The following PPP1R3D variants were observed in gnomAD, a reference collection of about 807,000 sequenced individuals.
PPP1R3D encodes the protein protein phosphatase 1 regulatory subunit 3D.
PPP1R3D carries 27 observed loss-of-function variants against 16.3 expected under a neutral mutation model. That is an observed-to-expected ratio of 1.66 (90% confidence interval 1.22 to 2.29). The LOEUF (loss-of-function observed/expected upper bound fraction) is 2.29, where lower values mean the gene tolerates loss of function less well. Among genes scored for constraint, PPP1R3D ranks in the 30% most tolerant of loss-of-function variants. The pLI is 0.00. For synonymous variants in PPP1R3D, 223 were observed against 209.7 expected (o/e 1.06, Z -0.55); for missense variants, 472 against 438.3 (o/e 1.08, Z -0.69).
rs750284106 is a variant in PPP1R3D, at chr20:59,939,259, C to A, written c.673G>T (p.Gly225Trp). Residue 225 changes from glycine to tryptophan, a missense_variant, in exon 1 of 1, where the codon GGG becomes TGG. Transcript: ENST00000370996. The part of the protein sequence containing the change: ...STHEAVARWR[G>W]PAGPEGTEDV... ...TCCGTGCCCTCGGGGCCTGCGGGCC[C>A]GCGCCACCGCGCCACCGCCTCGTGG... 6.2e-7 allele frequency: 1 copy of A among 1,611,506 alleles called. No individual in the cohort carries two copies. The highest frequency in any genetic ancestry group is 1.7e-5 in the Admixed American group (1 of 59,924).
In PPP1R3D at chr20:59,939,707, C is replaced by G; in HGVS notation, c.225G>C (p.Leu75=). Residue 75 remains leucine (L), a synonymous_variant, in exon 1 of 1, where the codon CTG becomes CTC. Coordinates refer to ENST00000370996, the MANE Select transcript of PPP1R3D (RefSeq NM_006242.4). ...TCTGGCGGCGCTCGGGGGAGCTGGG[C>G]AGTGAGCGCGCCCGCCGCAGGATGA... ...RPIILRRARS[L]PSSPERRQKA... is the part of the protein sequence containing the mutation. 1 of 1,335,004 alleles carries G rather than the reference C, an allele frequency of 7.5e-7. No individual in the cohort carries two copies. Among genetic ancestry groups the G allele is most frequent in the Non-Finnish European group, 9.5e-7 (1 of 1,049,916 alleles). The allele number at this position is 1,335,004 out of a possible 1,614,324, so 82.7% of individuals were successfully genotyped here. A position where few individuals can be genotyped will look rare whatever the true frequency, so the allele number is the denominator to read the frequency against.
At position 59,938,710 on chromosome 20, in the gene PPP1R3D, G is replaced by A. The variant is rs1377751056; in HGVS notation, c.*322C>T. The stretch of plus-strand genomic sequence containing the variant: ...CACATGCAAAAGCTTTTCCTAGCAG[G>A]AGGACTTGGGCCTTTGCAAAACAAG... On this transcript the variant is annotated 3_prime_UTR_variant, in exon 1 of 1. Coordinates refer to ENST00000370996, the MANE Select transcript of PPP1R3D (RefSeq NM_006242.4). 7.9e-6 allele frequency: 2 copies of A among 252,692 alleles called. No homozygotes were observed. Among genetic ancestry groups the A allele is most frequent in the African/African-American group, 2.2e-5 (1 of 45,080 alleles). The allele number at this position is 252,692 out of a possible 1,614,324, so 15.7% of individuals were successfully genotyped here.
chr20:59,939,487 C>A lies in PPP1R3D; in HGVS notation c.445G>T (p.Glu149Ter). Residue 149 changes from glutamate (E) to a stop codon, truncating the protein, a stop_gained, in exon 1 of 1, where the codon GAG becomes TAG. Coordinates refer to ENST00000370996, the MANE Select transcript of PPP1R3D (RefSeq NM_006242.4). LOFTEE classifies it high-confidence loss of function. ...GGCACCAGGCAATGCAGGGTGAACT[C>A]CAGGTCCTGGCTGCTGCAGCACAGG... ...SDLCCSSQDL[E>*]FTLHCLVPDF... 1 of 1,612,230 alleles carries A rather than the reference C, an allele frequency of 6.2e-7. No individual in the cohort carries two copies.
chr20:59,940,088 C>G lies in PPP1R3D; in HGVS notation c.-157G>C, dbSNP rs1329002522. ...GTGCGCCCTACCCTTGGTTCGCCAC[C>G]TTGCTCCTCGAGTCCTTGTCCAGGT... On this transcript the variant is annotated 5_prime_UTR_variant, in exon 1 of 1. Transcript: ENST00000370996. The G allele has an allele frequency of 2.0e-6, 1 of 504,468 alleles. No individual in the cohort carries two copies. Among genetic ancestry groups the G allele is most frequent in the Non-Finnish European group, 3.2e-6 (1 of 311,296 alleles). The allele number at this position is 504,468 out of a possible 1,614,324, so 31.2% of individuals were successfully genotyped here. A position where few individuals can be genotyped will look rare whatever the true frequency, so the allele number is the denominator to read the frequency against.
rs1489400324 is a variant in PPP1R3D at position 59,938,764 on chromosome 20, C to T, written c.*268G>A. 2 of 331,432 alleles carry T rather than the reference C, an allele frequency of 6.0e-6. No individual in the cohort carries two copies. The highest frequency in any genetic ancestry group is 1.4e-4 in the South Asian group (1 of 7,118). The allele number at this position is 331,432 out of a possible 1,614,324, so 20.5% of individuals were successfully genotyped here. A position where few individuals can be genotyped will look rare whatever the true frequency, so the allele number is the denominator to read the frequency against. ...CTTGGGCCTCCCCAGAGGGCCCACC[C>T]TCCCATGCACCTACCCCACCACCCT... On this transcript the variant is annotated 3_prime_UTR_variant, in exon 1 of 1. Coordinates refer to ENST00000370996, the MANE Select transcript of PPP1R3D (RefSeq NM_006242.4).
chr20:59,938,082 A>C lies in PPP1R3D; in HGVS notation c.*950T>G, dbSNP rs764704723. On this transcript the variant is annotated 3_prime_UTR_variant, in exon 1 of 1. Coordinates refer to ENST00000370996, the MANE Select transcript of PPP1R3D (RefSeq NM_006242.4). ...TGACATCTTCTGATGCTTAACAAGA[A>C]ATAAAAATAGTCACCTTAATCATCA... 2 of 152,254 alleles carry C rather than the reference A, an allele frequency of 1.3e-5. No homozygotes were observed. Among genetic ancestry groups the C allele is most frequent in the Non-Finnish European group, 2.9e-5 (2 of 68,048 alleles). 9.4% of individuals were successfully genotyped at this position (152,254 alleles called of 1,614,324 possible). A position where few individuals can be genotyped will look rare whatever the true frequency, so the allele number is the denominator to read the frequency against.
Position 59,939,062 on chromosome 20 carries a change from C to T in PPP1R3D, c.870G>A (p.Glu290=). 1.3e-6 allele frequency: 2 copies of T among 1,554,800 alleles called. No homozygotes were observed. The highest frequency in any genetic ancestry group is 1.7e-6 in the Non-Finnish European group (2 of 1,151,828). ...RNHALHMPRG[E]CEESWIHFI is the part of the protein sequence containing the mutation. ...TGAAGTGGATCCAGCTCTCTTCGCA[C>T]TCCCCGCGAGGCATGTGCAGCGCGT... Residue 290 remains glutamate, a synonymous_variant, in exon 1 of 1, where the codon GAG becomes GAA. Transcript: ENST00000370996.
Position 59,939,164 on chromosome 20 carries a change from C to A in PPP1R3D, c.768G>T (p.Ala256=), listed in dbSNP as rs770112854. ...LLELGSRVHF[A]VRYQVAGAEY... is the part of the protein sequence containing the mutation. ...CGGCACCCGCCACTTGGTAGCGCAC[C>A]GCGAAGTGCACGCGGGAGCCGAGCT... The change falls in exon 1 of 1, where the codon GCG becomes GCT. Residue 256 remains alanine (A), a synonymous_variant. Transcript: ENST00000370996. 1 of 1,611,360 alleles carries A rather than the reference C, an allele frequency of 6.2e-7. No homozygotes were observed. Among genetic ancestry groups the A allele is most frequent in the Non-Finnish European group, 8.5e-7 (1 of 1,178,398 alleles).
In PPP1R3D at chr20:59,939,460, C is replaced by G. The variant is rs1333089525; in HGVS notation, c.472G>C (p.Asp158His). The G allele has an allele frequency of 6.2e-7, 1 of 1,611,890 alleles. No homozygotes were observed. Among genetic ancestry groups the G allele is most frequent in the Non-Finnish European group, 8.5e-7 (1 of 1,179,616 alleles). ...GCGGCCTCGACGGGCGGCGGGAAAT[C>G]GGGCACCAGGCAATGCAGGGTGAAC... is the stretch of plus-strand genomic sequence containing the variant. ...LEFTLHCLVP[D>H]FPPPVEAADF... The change falls in exon 1 of 1, where the codon GAT becomes CAT. Residue 158 changes from aspartate (D) to histidine (H), a missense_variant. By Grantham distance (81) the Asp-to-His change is moderately conservative. Transcript: ENST00000370996.
rs746541345 is a variant in PPP1R3D, at chr20:59,939,147, G to C, written c.785C>G (p.Ala262Gly). ...RVHFAVRYQVAGAEYWDNNDH... is the reference protein window; with the variant it reads ...RVHFAVRYQVGGAEYWDNNDH... ...GTTGTTGTCCCAGTACTCGGCACCC[G>C]CCACTTGGTAGCGCACCGCGAAGTG... Residue 262 changes from alanine (A) to glycine (G), a missense_variant, in exon 1 of 1, where the codon GCG (alanine) becomes GGG (glycine). By Grantham distance (60) the Ala-to-Gly change is moderately conservative. Transcript: ENST00000370996. 1.9e-6 allele frequency: 3 copies of C among 1,611,004 alleles called. No homozygotes were observed. Among genetic ancestry groups the C allele is most frequent in the Admixed American group, 1.7e-5 (1 of 59,892 alleles).
rs2060869909 is a variant in PPP1R3D, at chr20:59,937,641, A to G, written c.*1391T>C. 1 of 151,604 alleles carries G rather than the reference A, an allele frequency of 6.6e-6. No homozygotes were observed. The highest frequency in any genetic ancestry group is 2.4e-5 in the African/African-American group (1 of 41,034). 9.4% of individuals were successfully genotyped at this position (151,604 alleles called of 1,614,324 possible). The stretch of plus-strand genomic sequence containing the variant: ...TTCAGCTGTATCATAAGCTTCACAA[A>G]TTGGAGATCTTGTCCTTCCTGGCTG... On this transcript the variant is annotated 3_prime_UTR_variant, in exon 1 of 1. Transcript: ENST00000370996.
rs977010808 is a variant in PPP1R3D, at chr20:59,939,926, G to A, written c.6C>T (p.Ser2=). 15 of 1,261,882 alleles carry A rather than the reference G, an allele frequency of 1.2e-5. No individual in the cohort carries two copies. In the African/African-American group the frequency reaches 1.7e-4, roughly 14 times the overall value. 78.2% of individuals were successfully genotyped at this position (1,261,882 alleles called of 1,614,324 possible). ...GCAGGACCGCGGAGCTCGGGCCTCT[G>A]GACATGGCCCCGCCGGCCGTCGGAA... M[S]RGPSSAVLPS... The change falls in exon 1 of 1, where the codon TCC becomes TCT. Residue 2 remains serine (S), a synonymous_variant. Transcript: ENST00000370996.
In PPP1R3D at chr20:59,939,920, G is replaced by A; in HGVS notation, c.12C>T (p.Gly4=). MSR[G]PSSAVLPSAL... is the part of the protein sequence containing the mutation. Reference sequence around the variant, plus strand: ...CGCTAGGCAGGACCGCGGAGCTCGGGCCTCTGGACATGGCCCCGCCGGCCG... The same window carrying A: ...CGCTAGGCAGGACCGCGGAGCTCGGACCTCTGGACATGGCCCCGCCGGCCG... The change falls in exon 1 of 1, where the codon GGC becomes GGT. Residue 4 remains glycine, a synonymous_variant. Transcript: ENST00000370996. The A allele has an allele frequency of 7.9e-7, 1 of 1,259,716 alleles. No individual in the cohort carries two copies. The highest frequency in any genetic ancestry group is 1.0e-6 in the Non-Finnish European group (1 of 996,966). 78.0% of individuals were successfully genotyped at this position (1,259,716 alleles called of 1,614,324 possible).
In PPP1R3D at chr20:59,939,728, G is replaced by C. The variant is rs1159620376; in HGVS notation, c.204C>G (p.Ile68Met). ...TGGGCAGTGAGCGCGCCCGCCGCAG[G>C]ATGATGGGCCGCAGGCGGGGGTCGC... ...SGCDPRLRPI[I>M]LRRARSLPSS... is the part of the protein sequence containing the mutation. Residue 68 changes from isoleucine (I) to methionine (M), a missense_variant, in exon 1 of 1, where the codon ATC (isoleucine) becomes ATG (methionine). Coordinates refer to ENST00000370996, the MANE Select transcript of PPP1R3D (RefSeq NM_006242.4). 2.4e-6 allele frequency: 3 copies of C among 1,258,010 alleles called. No individual in the cohort carries two copies. Among genetic ancestry groups the C allele is most frequent in the Non-Finnish European group, 3.0e-6 (3 of 1,004,140 alleles). The allele number at this position is 1,258,010 out of a possible 1,614,324, so 77.9% of individuals were successfully genotyped here.
At position 59,939,580 on chromosome 20, in the gene PPP1R3D, C is replaced by A. The variant is rs776469988; in HGVS notation, c.352G>T (p.Val118Leu). Reference protein sequence around the residue: ...ALGLELAQVKVFNAGDDPSVP... With the variant: ...ALGLELAQVKLFNAGDDPSVP... ...GACGGGTCGTCTCCCGCGTTGAACA[C>A]CTTGACCTGTGCCAGCTCCAAGCCC... The change falls in exon 1 of 1, where the codon GTG becomes TTG. Residue 118 changes from valine to leucine, a missense_variant. Physicochemically the swap from Val to Leu is conservative, Grantham distance 32. Transcript: ENST00000370996. 10 of 1,608,696 alleles carry A rather than the reference C, an allele frequency of 6.2e-6. No individual in the cohort carries two copies. Among genetic ancestry groups the A allele is most frequent in the Non-Finnish European group, 8.5e-6 (10 of 1,177,680 alleles).
At position 59,939,190 on chromosome 20, in the gene PPP1R3D, C is replaced by G; in HGVS notation, c.742G>C (p.Glu248Gln). The change falls in exon 1 of 1, where the codon GAG becomes CAG. Residue 248 changes from glutamate (E) to glutamine (Q), a missense_variant. Physicochemically the swap from Glu to Gln is conservative, Grantham distance 29. Transcript: ENST00000370996. ...GCGAAGTGCACGCGGGAGCCGAGCT[C>G]CAGCAGGAAGGGCGGTACTGGAAAG... ...FGFPVPPFLL[E>Q]LGSRVHFAVR... 1 of 1,609,028 alleles carries G rather than the reference C, an allele frequency of 6.2e-7. No individual in the cohort carries two copies. Among genetic ancestry groups the G allele is most frequent in the South Asian group, 1.1e-5 (1 of 90,968 alleles).
Position 59,940,029 on chromosome 20 carries a change from G to C in PPP1R3D, c.-98C>G. ...GCTCAGAAGCCGCAGAGAGTCCACC[G>C]TATCTGCAACCTGCGGGGGACCTCT... is the stretch of plus-strand genomic sequence containing the variant. On this transcript the variant is annotated 5_prime_UTR_variant, in exon 1 of 1. Coordinates refer to ENST00000370996, the MANE Select transcript of PPP1R3D (RefSeq NM_006242.4). The C allele has an allele frequency of 9.5e-7, 1 of 1,052,848 alleles. No individual in the cohort carries two copies. The highest frequency in any genetic ancestry group is 4.3e-5 in the Admixed American group (1 of 23,346). The allele number at this position is 1,052,848 out of a possible 1,614,324, so 65.2% of individuals were successfully genotyped here.
At position 59,939,253 on chromosome 20, in the gene PPP1R3D, C is replaced by G; in HGVS notation, c.679G>C (p.Ala227Pro). 1.2e-6 allele frequency: 2 copies of G among 1,611,718 alleles called. No homozygotes were observed. Among genetic ancestry groups the G allele is most frequent in the Non-Finnish European group, 1.7e-6 (2 of 1,179,230 alleles). The change falls in exon 1 of 1, where the codon GCA becomes CCA. Residue 227 changes from alanine (A) to proline (P), a missense_variant. Ala to Pro is a conservative substitution (Grantham distance 27, BLOSUM62 -1). Coordinates refer to ENST00000370996, the MANE Select transcript of PPP1R3D (RefSeq NM_006242.4). ...HEAVARWRGP[A>P]GPEGTEDVFT... ...ACGTCCTCCGTGCCCTCGGGGCCTGCGGGCCCGCGCCACCGCGCCACCGCC... is the reference window on the plus strand; with the variant it reads ...ACGTCCTCCGTGCCCTCGGGGCCTGGGGGCCCGCGCCACCGCGCCACCGCC...
rs1030365093 is a variant in PPP1R3D, at chr20:59,940,152, G to T, written c.-221C>A. 13 of 403,948 alleles carry T rather than the reference G, an allele frequency of 3.2e-5. No individual in the cohort carries two copies. The highest frequency in any genetic ancestry group is 1.4e-4 in the South Asian group (1 of 7,028). The allele number at this position is 403,948 out of a possible 1,614,324, so 25.0% of individuals were successfully genotyped here. On this transcript the variant is annotated 5_prime_UTR_variant, in exon 1 of 1. Transcript: ENST00000370996. ...CGGTTAAAGAAATTGTAAGAGTGGGGAGTTTTTCTCTAGTGGAAGCTTTCA... is the reference window on the plus strand; with the variant it reads ...CGGTTAAAGAAATTGTAAGAGTGGGTAGTTTTTCTCTAGTGGAAGCTTTCA...
Sources: gnomAD v4.1 joint callset for allele counts on GRCh38, gnomAD v4.1.1 for gene constraint, MANE v1.5 for transcripts, NCBI Gene and HGNC (gene_info 2026-07-23, HGNC 2026-07-21) for gene names.